Variants in RAD50 observed in about 807,000 individuals in gnomAD.
The protein encoded by RAD50 is DNA repair protein RAD50.
Under a neutral mutation model 168.8 loss-of-function variants are expected in RAD50, and 132 were observed. The observed-to-expected ratio is 0.78, with a 90% CI of 0.68 to 0.90. The LOEUF (loss-of-function observed/expected upper bound fraction) is 0.90. RAD50 is among the 40% of genes least tolerant of loss of function. The pLI, the probability that RAD50 is intolerant of heterozygous loss-of-function variation, is 0.00. For synonymous variants in RAD50, 525 were observed against 497.4 expected (o/e 1.06, Z -0.74); for missense variants, 1,347 against 1,534.4 (o/e 0.88, Z 2.04).
At chr5:132,618,497 T>TC (rs1286047498) in intron 21 of RAD50, among the ~76,000 whole-genome samples, 1 of 152,022 alleles carries the variant, frequency 6.6e-6, no homozygotes, top group Non-Finnish European at 1.5e-5. Flanking sequence ...TCCTGCCTCA[T>TC]CCTCCCAAGT....
At chr5:132,561,985 C>G (rs1750133000) in intron 2 of RAD50, among the ~76,000 whole-genome samples, 2 of 152,204 alleles carry the variant, frequency 1.3e-5, no homozygotes, top group East Asian at 3.8e-4. Context: ...TCTTGAAGCT[C>G]TCTCTTTCTC....
intron 3 of RAD50, 113 bp downstream of exon 3, chr5:132,576,041 A>G (rs879639109): frequency 1.2e-4 from 126 of 1,070,780 alleles, no homozygotes; most frequent in South Asian, 1.5e-4. Flanking sequence ...TTTTTTCAAT[A>G]GACTTTAGAC....
In RAD50 at chr5:132,610,947, T is replaced by C. The variant is rs540831707; in HGVS notation, c.3036+1551T>C. Among the ~76,000 whole-genome samples the C allele has an allele frequency of 2.6e-5, 4 of 152,338 alleles. No homozygotes were observed. In the South Asian group the frequency reaches 8.3e-4, roughly 32 times the overall value. On this transcript the variant is annotated intron_variant, in intron 19 of 24. Coordinates refer to ENST00000378823, the MANE Select transcript of RAD50 (RefSeq NM_005732.4). Reference sequence around the variant, plus strand: ...GTTCCAGAAATTATTTACTTAGTTATATACAATAGAGCAAAGATAAATGTA... The same window carrying C: ...GTTCCAGAAATTATTTACTTAGTTACATACAATAGAGCAAAGATAAATGTA...
chr5:132,587,060 G>A (rs1021392773), intron 5 of RAD50, among the ~76,000 whole-genome samples: 1 of 152,170 alleles, frequency 6.6e-6, no homozygotes, highest in Admixed American at 6.5e-5. Context: ...GAGCCTCAGA[G>A]CAGGCCACTG....
Position 132,589,774 on chromosome 5 carries a change from A to T in RAD50, c.1389A>T (p.Glu463Asp), listed in dbSNP as rs528351466. The T allele has an allele frequency of 1.2e-6, 2 of 1,613,796 alleles. No individual in the cohort carries two copies. Among genetic ancestry groups the T allele is most frequent in the African/African-American group, 2.7e-5 (2 of 75,040 alleles). ...ATGAGCTGAAAAATGTGAAGTATGAATTACAGCAGTTGGAAGGATCTTCAG... is the reference window on the plus strand; with the variant it reads ...ATGAGCTGAAAAATGTGAAGTATGATTTACAGCAGTTGGAAGGATCTTCAG... Reference protein sequence around the residue: ...KQNELKNVKYELQQLEGSSDR... With the variant: ...KQNELKNVKYDLQQLEGSSDR... Residue 463 changes from glutamate (E) to aspartate (D), a missense_variant, in exon 9 of 25, where the codon GAA becomes GAT. Physicochemically the swap from Glu to Asp is conservative, Grantham distance 45. This residue lies in a region of RAD50 where 703 missense variants were observed against 767.7 expected (regional missense o/e 0.92). Transcript: ENST00000378823.
intron 2 of RAD50, among the ~76,000 whole-genome samples, chr5:132,573,750 T>C (rs1375867836): frequency 6.6e-6 from 1 of 152,224 alleles, no homozygotes; most frequent in African/African-American, 2.4e-5. Flanking sequence ...GATACAGGCA[T>C]TGGGCAAATA....
chr5:132,586,430 TTGC>T (rs1398924491), intron 5 of RAD50, among the ~76,000 whole-genome samples: 1 of 152,212 alleles, frequency 6.6e-6, no homozygotes, highest in African/African-American at 2.4e-5. Flanking sequence ...CCTGTGACTG[TTGC>T]TCTTGGTAAA....
chr5:132,591,162 CATT>C (rs1750689699), intron 9 of RAD50, 59 bp from the exon 10 acceptor site: 7 of 1,474,322 alleles, frequency 4.7e-6, no homozygotes, highest in East Asian at 2.3e-5. Flanking sequence ...TACACTTTGT[CATT>C]ATTTTAATTC....
chr5:132,563,539 G>T (rs914997289), intron 2 of RAD50, among the ~76,000 whole-genome samples: 1 of 152,180 alleles, frequency 6.6e-6, no homozygotes, highest in Non-Finnish European at 1.5e-5. Context: ...ATTGATTAAG[G>T]GAGGTGTTCT....
intron 23 of RAD50, among the ~76,000 whole-genome samples, chr5:132,639,488 T>TA (rs1205541853): frequency 6.6e-6 from 1 of 152,242 alleles, no homozygotes; most frequent in Non-Finnish European, 1.5e-5. Context: ...TTGTGATCTG[T>TA]AATCAGTATC....
rs1403194044 is a variant in RAD50 at position 132,580,156 on chromosome 5, G to C, written c.756+90G>C. On this transcript the variant is annotated intron_variant, in intron 5 of 24. Coordinates refer to ENST00000378823, the MANE Select transcript of RAD50 (RefSeq NM_005732.4). ...TGATATAAGTATACATCGTGGACTG[G>C]CTAAATCAAGCTATTTAACGTTCAT... 1.1e-5 allele frequency: 12 copies of C among 1,081,562 alleles called. No individual in the cohort carries two copies. In the Admixed American group the frequency reaches 2.3e-4, roughly 21 times the overall value. The allele number at this position is 1,081,562 out of a possible 1,614,324, so 67.0% of individuals were successfully genotyped here.
intron 1 of RAD50, among the ~76,000 whole-genome samples, chr5:132,557,798 A>G (rs1750033826): frequency 6.6e-6 from 1 of 152,222 alleles, no homozygotes; most frequent in African/African-American, 2.4e-5. Context: ...CATAGCATTC[A>G]CTTCCCAGTA....
chr5:132,642,144 TTACTAA>T (rs1348646103), intron 24 of RAD50, 28 bp from the exon 25 acceptor site: 1 of 1,599,476 alleles, frequency 6.3e-7, no homozygotes, highest in Non-Finnish European at 8.6e-7. Flanking sequence ...GTTATGCTCT[TTACTAA>T]TAATATGTTC....
chr5:132,588,931 T>C, intron 8 of RAD50, 51 bp downstream of exon 8: 1 of 1,538,914 alleles, frequency 6.5e-7, no homozygotes, highest in Non-Finnish European at 8.9e-7. Flanking sequence ...TCATATTCTC[T>C]ACTTGAATTG....
Position 132,580,071 on chromosome 5 carries a change from C to G in RAD50, c.756+5C>G, listed in dbSNP as rs587782827. 6.2e-7 allele frequency: 1 copy of G among 1,602,078 alleles called. No individual in the cohort carries two copies. The highest frequency in any genetic ancestry group is 8.6e-7 in the Non-Finnish European group (1 of 1,169,448). On this transcript the variant is annotated splice_donor_5th_base_variant and intron_variant, in intron 5 of 24. Transcript: ENST00000378823. ...AATGAACTTGATCCATTGAAGGTAACTTGATTTTATTTTTAATTGACAAAA... is the reference window on the plus strand; with the variant it reads ...AATGAACTTGATCCATTGAAGGTAAGTTGATTTTATTTTTAATTGACAAAA...
In RAD50 at chr5:132,589,611, T is replaced by G. The variant is rs2149841427; in HGVS notation, c.1246-20T>G. 1.3e-6 allele frequency: 2 copies of G among 1,522,876 alleles called. No individual in the cohort carries two copies. The highest frequency in any genetic ancestry group is 1.8e-6 in the Non-Finnish European group (2 of 1,121,496). 94.3% of individuals were successfully genotyped at this position (1,522,876 alleles called of 1,614,324 possible). On this transcript the variant is annotated intron_variant, in intron 8 of 24. Coordinates refer to ENST00000378823, the MANE Select transcript of RAD50 (RefSeq NM_005732.4). ...TTGTTTAGTAAATTATTAATGCTCA[T>G]TCTTTACATATGCATTTAGAATGAC...
chr5:132,613,467 T>C (rs187126858), intron 19 of RAD50, among the ~76,000 whole-genome samples: 56 of 152,270 alleles, frequency 3.7e-4, no homozygotes, highest in Middle Eastern at 6.8e-3. Flanking sequence ...TTTTGTAGAC[T>C]ATAATTGGAA....
rs1750704496 is a variant in RAD50 at position 132,591,826 on chromosome 5, T to C, written c.1636-51T>C. The C allele has an allele frequency of 3.0e-6, 4 of 1,338,916 alleles. No individual in the cohort carries two copies. In the East Asian group the frequency reaches 9.4e-5, roughly 32 times the overall value. 82.9% of individuals were successfully genotyped at this position (1,338,916 alleles called of 1,614,324 possible). ...CTAGAATTTATTTTTGTTCTTGATA[T>C]AATGTGGAGATATAGACTTTATTTT... On this transcript the variant is annotated intron_variant, in intron 10 of 24. Coordinates refer to ENST00000378823, the MANE Select transcript of RAD50 (RefSeq NM_005732.4).
chr5:132,609,471 C>G, intron 19 of RAD50, 75 bp downstream of exon 19: 1 of 1,570,224 alleles, frequency 6.4e-7, no homozygotes. Flanking sequence ...AATAGAAGAT[C>G]CATTGAATAG....
Sources: allele counts gnomAD v4.1 joint callset (sites outside exome capture counted in the v4.1 genomes callset), GRCh38; gene constraint gnomAD v4.1.1; regional missense constraint gnomAD v4.1.1; transcripts MANE v1.5; gene names NCBI Gene and HGNC (gene_info 2026-07-23, HGNC 2026-07-21).